The following AGTR1 variants were observed in gnomAD, a reference collection of about 807,000 sequenced individuals.
AGTR1 encodes angiotensin II receptor type 1.
In AGTR1, 16 loss-of-function variants were observed where a neutral mutation model predicts 19.4. The observed-to-expected ratio is 0.82, with a 90% CI of 0.56 to 1.25. The LOEUF (loss-of-function observed/expected upper bound fraction) is 1.25. Ranked by LOEUF, AGTR1 falls within the 50% of genes most tolerant of loss-of-function variation. The probability of loss-of-function intolerance (pLI) is 0.00; values close to 1 mark genes in which losing one functional copy is unlikely to be tolerated. For synonymous variants in AGTR1, 153 were observed against 154.9 expected, an observed-to-expected ratio of 0.99 and a Z score of 0.09; for missense variants, 373 against 431.9, an observed-to-expected ratio of 0.86 and a Z score of 1.21.
At chr3:148,737,412 C>A (rs12721311) in intron 2 of AGTR1, among the ~76,000 whole-genome samples, 5,023 of 152,166 alleles carry the variant, frequency 0.033, 112 homozygotes, top group East Asian at 0.053. Context: ...CCCCAAACCC[C>A]ACACTCCCCA....
chr3:148,741,155 G>A lies in AGTR1; in HGVS notation c.120G>A (p.Val40=), dbSNP rs767852386. The A allele has an allele frequency of 6.8e-6, 11 of 1,613,988 alleles. No individual in the cohort carries two copies. The African/African-American group carries it at 1.2e-4, about 18-fold the overall frequency. ...MIPTLYSIIF[V]VGIFGNSLVV... ...CTACTTTATACAGTATCATCTTTGT[G>A]GTGGGAATATTTGGAAACAGCTTGG... Residue 40 remains valine (V), a synonymous_variant, in exon 3 of 3, where the codon GTG becomes GTA. Transcript: ENST00000349243.
At chr3:148,729,750 T>A (rs966722266) in intron 2 of AGTR1, among the ~76,000 whole-genome samples, 6 of 152,216 alleles carry the variant, frequency 3.9e-5, no homozygotes, top group Non-Finnish European at 8.8e-5. Context: ...CTAAATATTT[T>A]TATTACAGTG....
At chr3:148,702,764 T>A (rs1712422916) in intron 1 of AGTR1, among the ~76,000 whole-genome samples, 1 of 152,252 alleles carries the variant, frequency 6.6e-6, no homozygotes, top group South Asian at 2.1e-4. Flanking sequence ...TTTTACTAAA[T>A]GTTCCACGGA....
chr3:148,729,178 T>G (rs1714112927), intron 2 of AGTR1, among the ~76,000 whole-genome samples: 1 of 152,200 alleles, frequency 6.6e-6, no homozygotes. Flanking sequence ...AGAAGTCACG[T>G]GCTGAACGTG....
intron 1 of AGTR1, among the ~76,000 whole-genome samples, chr3:148,705,116 C>G (rs1712593387): frequency 6.6e-6 from 1 of 152,110 alleles, no homozygotes; most frequent in African/African-American, 2.4e-5. Context: ...CCCTAAGAGT[C>G]CCCTGGTTTC....
intron 1 of AGTR1, among the ~76,000 whole-genome samples, chr3:148,704,829 A>G (rs1240722314): frequency 6.6e-6 from 1 of 152,224 alleles, no homozygotes; most frequent in Non-Finnish European, 1.5e-5. Context: ...TGCCAACAGG[A>G]CTGAGCAGCC....
intron 1 of AGTR1, 64 bp downstream of exon 1, chr3:148,698,191 G>A (rs912588062): frequency 6.6e-6 from 1 of 152,308 alleles, no homozygotes; most frequent in African/African-American, 2.4e-5. Context: ...TAAGTTTCAT[G>A]TCACGGTGTC....
At chr3:148,698,936 A>T (rs1712150000) in intron 1 of AGTR1, among the ~76,000 whole-genome samples, 1 of 151,674 alleles carries the variant, frequency 6.6e-6, no homozygotes. Context: ...AGCCTGCTAT[A>T]GTCTCCCGAA....
In AGTR1 at chr3:148,728,192, G is replaced by A. The variant is rs185185646; in HGVS notation, c.-47-12797G>A. ...ACATTACTTACAGAATGTCAAAAAC[G>A]TAAGGACCTGCTCTCTATTCCTGTT... On this transcript the variant is annotated intron_variant, in intron 2 of 2. Transcript: ENST00000349243. Among the ~76,000 whole-genome samples the A allele has an allele frequency of 7.2e-5, 11 of 152,196 alleles. No individual in the cohort carries two copies. The East Asian group carries it at 9.6e-4, about 13-fold the overall frequency.
At chr3:148,719,147 T>C (rs1209845055) in intron 2 of AGTR1, among the ~76,000 whole-genome samples, 1 of 152,184 alleles carries the variant, frequency 6.6e-6, no homozygotes, top group Non-Finnish European at 1.5e-5. Context: ...CTAGTAATGG[T>C]TTTTTAAAAT....
chr3:148,698,476 T>C (rs897424361), intron 1 of AGTR1, among the ~76,000 whole-genome samples: 2 of 152,212 alleles, frequency 1.3e-5, no homozygotes, highest in African/African-American at 4.8e-5. Context: ...TCTTGTATTT[T>C]AGCCATCATC....
At chr3:148,738,338 A>C (rs969227481) in intron 2 of AGTR1, among the ~76,000 whole-genome samples, 1 of 151,958 alleles carries the variant, frequency 6.6e-6, no homozygotes, top group Non-Finnish European at 1.5e-5. Flanking sequence ...TCAACCTTCG[A>C]GGTTCCTTAA....
At chr3:148,740,709 G>T (rs1013724764) in intron 2 of AGTR1, among the ~76,000 whole-genome samples, 8 of 152,042 alleles carry the variant, frequency 5.3e-5, no homozygotes, top group African/African-American at 1.9e-4. Context: ...TTTACTTATA[G>T]AAAAAAAGGA....
At chr3:148,711,152 A>G (rs1712964165) in intron 2 of AGTR1, among the ~76,000 whole-genome samples, 1 of 152,180 alleles carries the variant, frequency 6.6e-6, no homozygotes, top group Non-Finnish European at 1.5e-5. Context: ...TTTCATCAAT[A>G]TAATGATCCT....
At chr3:148,702,684 T>C (rs1712417881) in intron 1 of AGTR1, among the ~76,000 whole-genome samples, 2 of 152,190 alleles carry the variant, frequency 1.3e-5, no homozygotes, top group Admixed American at 1.3e-4. Context: ...TAACCACTGC[T>C]CCTTTCCCCT....
intron 2 of AGTR1, among the ~76,000 whole-genome samples, chr3:148,735,095 G>A (rs12721222): frequency 0.065 from 9,845 of 152,204 alleles, 350 homozygotes; most frequent in Middle Eastern, 0.12. Context: ...GACTTTGGCA[G>A]TGTGAAAGTC....
At chr3:148,731,049 T>G (rs1714225485) in intron 2 of AGTR1, 1 of 152,232 alleles carries the variant, frequency 6.6e-6, no homozygotes, top group Non-Finnish European at 1.5e-5. Flanking sequence ...ATGGATTACA[T>G]GTTGAAATGA....
At chr3:148,739,769 G>T (rs1300778372) in intron 2 of AGTR1, 4 of 1,231,174 alleles carry the variant, frequency 3.2e-6, no homozygotes, top group East Asian at 6.3e-5. Context: ...CATGGCAGTG[G>T]TGTCTTATTT....
chr3:148,724,362 C>T (rs1713812724), intron 2 of AGTR1, among the ~76,000 whole-genome samples: 2 of 152,048 alleles, frequency 1.3e-5, no homozygotes, highest in Admixed American at 1.3e-4. Flanking sequence ...CTTACAAGGA[C>T]TCTCTTATGA....
Sources: gnomAD v4.1 joint callset for allele counts (sites outside exome capture counted in the v4.1 genomes callset) on GRCh38, gnomAD v4.1.1 for gene constraint, MANE v1.5 for transcripts, NCBI Gene and HGNC (gene_info 2026-07-23, HGNC 2026-07-21) for gene names.